The following DLG2 variants were observed in gnomAD, a reference collection of about 807,000 sequenced individuals.
DLG2 encodes discs large MAGUK scaffold protein 2.
DLG2 carries 45 observed loss-of-function variants against 132.5 expected under a neutral mutation model. The observed-to-expected ratio is 0.34, with a 90% CI of 0.27 to 0.44. The LOEUF (loss-of-function observed/expected upper bound fraction) is 0.44. Ranked by LOEUF, DLG2 falls within the 20% of genes least tolerant of loss-of-function variation. The pLI is 1.00. For missense variants in DLG2, 1,045 were observed against 1,196.9 expected (o/e 0.87, Z 1.87); for synonymous variants, 424 against 419.6 (o/e 1.01, Z -0.13).
intron 2 of DLG2, among the ~76,000 whole-genome samples, chr11:85,618,183 C>T (rs1159538027): frequency 6.6e-6 from 1 of 152,096 alleles, no homozygotes; most frequent in Non-Finnish European, 1.5e-5. Flanking sequence ...AAGCAACCTA[C>T]ATTGAGGATA....
At chr11:83,845,981 T>A (rs1595345675) in intron 16 of DLG2, among the ~76,000 whole-genome samples, 1 of 152,244 alleles carries the variant, frequency 6.6e-6, no homozygotes, top group South Asian at 2.1e-4. Flanking sequence ...TAGAAAGTTA[T>A]GACCTTTGAA....
chr11:83,555,957 A>G (rs918062218), intron 19 of DLG2, among the ~76,000 whole-genome samples: 12 of 152,228 alleles, frequency 7.9e-5, no homozygotes, highest in African/African-American at 2.9e-4. Flanking sequence ...ATTTTTAGCA[A>G]ATATAACAAG....
At chr11:83,623,968 G>A (rs1282348328) in intron 19 of DLG2, among the ~76,000 whole-genome samples, 1 of 152,164 alleles carries the variant, frequency 6.6e-6, no homozygotes, top group African/African-American at 2.4e-5. Flanking sequence ...GTCATTTTGG[G>A]TTATGAGGCA....
At chr11:83,935,934 T>TG (rs1319972094) in intron 14 of DLG2, among the ~76,000 whole-genome samples, 3 of 152,182 alleles carry the variant, frequency 2.0e-5, no homozygotes, top group African/African-American at 7.2e-5. Flanking sequence ...AGCCTAAAGA[T>TG]GATTGTGAGA....
intron 6 of DLG2, among the ~76,000 whole-genome samples, chr11:84,998,921 G>A (rs918185199): frequency 6.6e-6 from 1 of 151,628 alleles, no homozygotes; most frequent in Non-Finnish European, 1.5e-5. Flanking sequence ...GATTCTCTCT[G>A]TTTTCAACAT....
chr11:84,235,933 A>AT lies in DLG2; in HGVS notation c.573+15304dup, dbSNP rs143640909. On this transcript the variant is annotated intron_variant, in intron 8 of 27. Coordinates refer to ENST00000376104, the MANE Select transcript of DLG2 (RefSeq NM_001142699.3). ...TTGAATAAATTAACATATGTACAAA[A>AT]TTTTAATAGTGCCTAGAGTATGGTT... 2.0e-4 allele frequency among the ~76,000 whole-genome samples: 31 copies of AT among 152,172 alleles called. No homozygotes were observed. The East Asian group carries it at 5.8e-3, about 29-fold the overall frequency.
At chr11:83,656,978 T>C (rs2072677424) in intron 18 of DLG2, among the ~76,000 whole-genome samples, 1 of 152,136 alleles carries the variant, frequency 6.6e-6, no homozygotes, top group Non-Finnish European at 1.5e-5. Flanking sequence ...GTTACCCCCA[T>C]GAGTGCCTCC....
chr11:84,325,941 T>A (rs1278930504), intron 7 of DLG2, among the ~76,000 whole-genome samples: 1 of 152,136 alleles, frequency 6.6e-6, no homozygotes, highest in East Asian at 1.9e-4. Context: ...TATAGGTCTA[T>A]ATAAATTTTT....
intron 6 of DLG2, among the ~76,000 whole-genome samples, chr11:84,779,946 A>G (rs1397712049): frequency 6.6e-6 from 1 of 151,948 alleles, no homozygotes; most frequent in Admixed American, 6.6e-5. Flanking sequence ...TCACAACCAA[A>G]TTCTACCAGA....
At chr11:85,051,184 T>C (rs1199578121) in intron 6 of DLG2, among the ~76,000 whole-genome samples, 1 of 152,150 alleles carries the variant, frequency 6.6e-6, no homozygotes, top group African/African-American at 2.4e-5. Flanking sequence ...AACTAGATGT[T>C]AGGACACAAT....
At chr11:84,102,330 A>G (rs775628250) in intron 9 of DLG2, among the ~76,000 whole-genome samples, 23 of 152,256 alleles carry the variant, frequency 1.5e-4, no homozygotes, top group Non-Finnish European at 4.4e-5. Context: ...TGTCTAGCAC[A>G]TAGTATTGAC....
At chr11:84,169,310 AC>A (rs68185840) in intron 8 of DLG2, among the ~76,000 whole-genome samples, 7,969 of 151,964 alleles carry the variant, frequency 0.052, 260 homozygotes, top group Non-Finnish European at 0.073. Flanking sequence ...ACTGTCTGGC[AC>A]AAAGCAGATC....
rs369535955 is a variant in DLG2 at position 84,799,355 on chromosome 11, A to G, written c.358-264624T>C. Among the ~76,000 whole-genome samples, 8 of 152,144 alleles carry G rather than the reference A, an allele frequency of 5.3e-5. No homozygotes were observed. The East Asian group carries it at 1.6e-3, about 30-fold the overall frequency. On this transcript the variant is annotated intron_variant, in intron 6 of 27. Coordinates refer to ENST00000376104, the MANE Select transcript of DLG2 (RefSeq NM_001142699.3). ...CCAGCTGCTGTGCTCTTCCTCCCCC[A>G]AGTGCACAGATTCTCTCTTGGCACC...
chr11:85,398,930 G>C (rs2087721691), intron 3 of DLG2, among the ~76,000 whole-genome samples: 1 of 151,960 alleles, frequency 6.6e-6, no homozygotes, highest in Non-Finnish European at 1.5e-5. Flanking sequence ...TTCTGGCCAG[G>C]GCAATTAGGC....
At chr11:84,939,412 T>G (rs1566455612) in intron 6 of DLG2, among the ~76,000 whole-genome samples, 1 of 149,214 alleles carries the variant, frequency 6.7e-6, no homozygotes, top group Non-Finnish European at 1.5e-5. Context: ...AACATTCCAA[T>G]TTTACTTTTA....
At chr11:83,470,305 G>GA (rs1156639776) in intron 24 of DLG2, among the ~76,000 whole-genome samples, 5 of 151,982 alleles carry the variant, frequency 3.3e-5, no homozygotes, top group East Asian at 1.9e-4. Flanking sequence ...TCATCACAGA[G>GA]AAAAAATGCA....
At chr11:85,457,362 C>T (rs968318182) in intron 3 of DLG2, among the ~76,000 whole-genome samples, 1 of 152,112 alleles carries the variant, frequency 6.6e-6, no homozygotes, top group Non-Finnish European at 1.5e-5. Context: ...CTGAAGACAG[C>T]ATACCATTAG....
At chr11:84,666,707 T>A (rs1171733615) in intron 6 of DLG2, among the ~76,000 whole-genome samples, 1 of 152,030 alleles carries the variant, frequency 6.6e-6, no homozygotes, top group Non-Finnish European at 1.5e-5. Context: ...TAAACACATT[T>A]TTACAAATAT....
intron 9 of DLG2, 84 bp downstream of exon 9, chr11:84,163,376 TA>T: frequency 7.9e-7 from 1 of 1,266,392 alleles, no homozygotes; most frequent in Non-Finnish European, 1.1e-6. Context: ...CACAATTGTA[TA>T]ATTTCACAAG....
Sources: gnomAD v4.1 joint callset for allele counts (sites outside exome capture counted in the v4.1 genomes callset) on GRCh38, gnomAD v4.1.1 for gene constraint, MANE v1.5 for transcripts, NCBI Gene and HGNC (gene_info 2026-07-23, HGNC 2026-07-21) for gene names.